The following CNTNAP2 variants were observed in gnomAD, a reference collection of about 807,000 sequenced individuals.
CNTNAP2 encodes contactin-associated protein-like 2.
Under a neutral mutation model 155.2 loss-of-function variants are expected in CNTNAP2, and 98 were observed. The ratio of observed to expected loss-of-function variants is 0.63; its 90% CI spans 0.54 to 0.75. CNTNAP2 has a LOEUF of 0.75. Ranked by LOEUF, CNTNAP2 falls within the 30% of genes least tolerant of loss-of-function variation. The pLI is 0.00. For missense variants in CNTNAP2, 1,727 were observed against 1,688.1 expected, an observed-to-expected ratio of 1.02 and a Z score of -0.40; for synonymous variants, 651 against 631.2, an observed-to-expected ratio of 1.03 and a Z score of -0.47.
intron 8 of CNTNAP2, among the ~76,000 whole-genome samples, chr7:147,272,664 A>ATTTTTTTTTTTTTTTTTTTTTTTTTT (rs71182188): frequency 1.2e-4 from 17 of 138,912 alleles, no homozygotes; most frequent in Non-Finnish European, 2.5e-4. Flanking sequence ...CGCCCGGCTA[A>ATTTTTTTTTTTTTTTTTTTTTTTTTT]TTTTTTTTTT....
chr7:148,102,748 C>A (rs866276615), intron 15 of CNTNAP2, among the ~76,000 whole-genome samples: 11 of 152,202 alleles, frequency 7.2e-5, no homozygotes, highest in Non-Finnish European at 1.5e-4. Flanking sequence ...CAGCCAGACC[C>A]TCAGTGCAGT....
chr7:147,488,269 ACGAAGTG>A (rs1349008126), intron 11 of CNTNAP2, among the ~76,000 whole-genome samples: 1 of 152,228 alleles, frequency 6.6e-6, no homozygotes, highest in Non-Finnish European at 1.5e-5. Flanking sequence ...AGCAAGAAGA[ACGAAGTG>A]CGAAGGCCCC....
At chr7:147,337,224 GC>G (rs1795679297) in intron 9 of CNTNAP2, among the ~76,000 whole-genome samples, 1 of 152,054 alleles carries the variant, frequency 6.6e-6, no homozygotes, top group East Asian at 1.9e-4. Flanking sequence ...TGGTGAGCCA[GC>G]CCCCACTAAG....
At chr7:147,857,373 G>A (rs1799056820) in intron 13 of CNTNAP2, among the ~76,000 whole-genome samples, 1 of 152,056 alleles carries the variant, frequency 6.6e-6, no homozygotes, top group South Asian at 2.1e-4. Flanking sequence ...GGCTATTTGA[G>A]CATCTAAATA....
intron 9 of CNTNAP2, among the ~76,000 whole-genome samples, chr7:147,388,792 A>G (rs1298216995): frequency 6.6e-6 from 1 of 152,066 alleles, no homozygotes; most frequent in Non-Finnish European, 1.5e-5. Flanking sequence ...ATGTTGGCGA[A>G]GCTGGTCTCA....
At chr7:147,193,469 G>C (rs1177849183) in intron 8 of CNTNAP2, among the ~76,000 whole-genome samples, 1 of 152,208 alleles carries the variant, frequency 6.6e-6, no homozygotes, top group African/African-American at 2.4e-5. Flanking sequence ...TGGAAACACA[G>C]AGAAGAAAGA....
chr7:146,933,836 A>G (rs1270432562), intron 3 of CNTNAP2, among the ~76,000 whole-genome samples: 2 of 152,220 alleles, frequency 1.3e-5, no homozygotes, highest in Non-Finnish European at 2.9e-5. Flanking sequence ...AAGCACATGA[A>G]AAAATGCTCA....
chr7:146,369,052 C>T (rs201195580), intron 1 of CNTNAP2, among the ~76,000 whole-genome samples: 2,123 of 66,278 alleles, frequency 0.032, 22 homozygotes, highest in Middle Eastern at 0.092. Context: ...TATATATATA[C>T]ATATATATAT....
At chr7:148,307,412 G>T (rs572161663) in intron 21 of CNTNAP2, among the ~76,000 whole-genome samples, 1 of 152,110 alleles carries the variant, frequency 6.6e-6, no homozygotes, top group Non-Finnish European at 1.5e-5. Flanking sequence ...AGTGCCAACC[G>T]GGCTACTTCT....
intron 10 of CNTNAP2, among the ~76,000 whole-genome samples, chr7:147,416,032 C>T (rs1289521316): frequency 6.6e-6 from 1 of 152,220 alleles, no homozygotes. Flanking sequence ...TAATCCCAAA[C>T]CAACTGAATT....
At chr7:147,321,027 C>T (rs921923106) in intron 9 of CNTNAP2, among the ~76,000 whole-genome samples, 11 of 152,200 alleles carry the variant, frequency 7.2e-5, no homozygotes, top group African/African-American at 2.7e-4. Context: ...TCAGGCAGTT[C>T]TATGTGCAAA....
intron 4 of CNTNAP2, among the ~76,000 whole-genome samples, chr7:147,084,434 TATATATA>T (rs1800224439): frequency 5.1e-5 from 7 of 136,356 alleles, no homozygotes; most frequent in African/African-American, 1.9e-4. Context: ...GCTATATATG[TATATATA>T]ATACATATAT....
In CNTNAP2 at chr7:147,550,206, C is replaced by A. The variant is rs76577731; in HGVS notation, c.1778-11932C>A. Among the ~76,000 whole-genome samples the A allele has an allele frequency of 4.0e-3, 615 of 152,220 alleles. 7 individuals carry two copies. The highest frequency in any genetic ancestry group is 0.024 in the East Asian group (126 of 5,172). On this transcript the variant is annotated intron_variant, in intron 11 of 23. Coordinates refer to ENST00000361727, the MANE Select transcript of CNTNAP2 (RefSeq NM_014141.6). ...GTTAATTATTTTTCAGTGGGGTTCT[C>A]TTTTTTGAGAGAGCTGAGTGATATG...
chr7:147,623,787 A>G (rs1429557528), intron 12 of CNTNAP2, among the ~76,000 whole-genome samples: 1 of 152,062 alleles, frequency 6.6e-6, no homozygotes, highest in Admixed American at 6.6e-5. Context: ...TTGGAACCAC[A>G]AAAGACCCAG....
intron 1 of CNTNAP2, among the ~76,000 whole-genome samples, chr7:146,445,926 C>T (rs1252760525): frequency 6.6e-6 from 1 of 151,936 alleles, no homozygotes. Context: ...TACAGGCAAC[C>T]CTAAGAAGAT....
intron 12 of CNTNAP2, among the ~76,000 whole-genome samples, chr7:147,594,079 T>C (rs903750184): frequency 1.3e-5 from 2 of 151,404 alleles, no homozygotes; most frequent in African/African-American, 4.9e-5. Flanking sequence ...CTTCTGCAAT[T>C]CCAACATTTG....
chr7:147,651,571 G>A (rs1410160513), intron 13 of CNTNAP2, among the ~76,000 whole-genome samples: 2 of 152,158 alleles, frequency 1.3e-5, no homozygotes, highest in African/African-American at 4.8e-5. Context: ...GGTCAGCATA[G>A]TCAGGTGAGA....
intron 10 of CNTNAP2, among the ~76,000 whole-genome samples, chr7:147,452,634 T>C (rs1477183196): frequency 6.6e-6 from 1 of 152,222 alleles, no homozygotes; most frequent in Non-Finnish European, 1.5e-5. Context: ...AAGGCAGTTG[T>C]ACCTGCTAAT....
At chr7:147,781,206 G>T (rs944777791) in intron 13 of CNTNAP2, among the ~76,000 whole-genome samples, 1 of 152,166 alleles carries the variant, frequency 6.6e-6, no homozygotes, top group Non-Finnish European at 1.5e-5. Context: ...TATTAGAGGA[G>T]CTCTTTATGT....
Sources: gnomAD v4.1 joint callset for allele counts (sites outside exome capture counted in the v4.1 genomes callset) on GRCh38, gnomAD v4.1.1 for gene constraint, MANE v1.5 for transcripts, NCBI Gene and HGNC (gene_info 2026-07-23, HGNC 2026-07-21) for gene names.